Variants in NTRK2 observed in about 807,000 individuals in gnomAD.
NTRK2 encodes the protein neurotrophic receptor tyrosine kinase 2, also known as BDNF/NT-3 growth factors receptor.
A neutral mutation model predicts 94.5 loss-of-function variants in NTRK2; 13 were observed. The ratio of observed to expected loss-of-function variants is 0.14; its 90% CI spans 0.09 to 0.22. The LOEUF is 0.22. Ranked by LOEUF, NTRK2 falls within the 10% of genes least tolerant of loss-of-function variation. NTRK2 has a pLI of 1.00. For missense variants in NTRK2, 639 were observed against 1,071.2 expected (o/e 0.60, Z 5.63); for synonymous variants, 372 against 407.4 (o/e 0.91, Z 1.05).
chr9:84,734,897 C>T (rs1284605683), intron 9 of NTRK2, among the ~76,000 whole-genome samples: 1 of 152,148 alleles, frequency 6.6e-6, no homozygotes, highest in Non-Finnish European at 1.5e-5. Flanking sequence ...TTTGACCCAC[C>T]TTTCAGAGGG....
chr9:84,972,778 A>G (rs955713154), intron 17 of NTRK2, among the ~76,000 whole-genome samples: 2 of 152,242 alleles, frequency 1.3e-5, no homozygotes, highest in African/African-American at 4.8e-5. Context: ...AAAGATCCTT[A>G]TAACTCAAAG....
intron 17 of NTRK2, among the ~76,000 whole-genome samples, chr9:85,006,536 T>TC (rs1441210671): frequency 6.6e-6 from 1 of 151,944 alleles, no homozygotes; most frequent in African/African-American, 2.4e-5. Context: ...GAGGCTGCTG[T>TC]GGTTGGATGG....
At chr9:84,958,044 A>G (rs756021443) in intron 17 of NTRK2, among the ~76,000 whole-genome samples, 7 of 152,188 alleles carry the variant, frequency 4.6e-5, no homozygotes, top group African/African-American at 9.7e-5. Context: ...GAATAGGCAA[A>G]TCCATAGAGA....
At chr9:84,769,339 T>C (rs1011947013) in intron 12 of NTRK2, among the ~76,000 whole-genome samples, 1 of 152,228 alleles carries the variant, frequency 6.6e-6, no homozygotes, top group African/African-American at 2.4e-5. Flanking sequence ...TAAAATCTTA[T>C]GACCCAATCT....
Position 84,867,268 on chromosome 9 carries a change from T to G in NTRK2, c.1470T>G (p.Asp490Glu). 6.2e-7 allele frequency: 1 copy of G among 1,614,098 alleles called. No homozygotes were observed. Among genetic ancestry groups the G allele is most frequent in the Non-Finnish European group, 8.5e-7 (1 of 1,179,940 alleles). Residue 490 changes from aspartate (D) to glutamate (E), a missense_variant, in exon 14 of 19, where the codon GAT becomes GAG. Coordinates refer to ENST00000277120, the MANE Select transcript of NTRK2 (RefSeq NM_006180.6). ...GCCCAGCCTCCGTTATCAGCAATGA[T>G]GATGACTCTGCCAGCCCACTCCATC... is the stretch of plus-strand genomic sequence containing the variant. Reference protein sequence around the residue: ...GVGPASVISNDDDSASPLHHI... With the variant: ...GVGPASVISNEDDSASPLHHI...
chr9:84,769,952 G>A (rs996599827), intron 12 of NTRK2, among the ~76,000 whole-genome samples: 3 of 152,146 alleles, frequency 2.0e-5, no homozygotes, highest in African/African-American at 7.2e-5. Flanking sequence ...ACACAGACAC[G>A]TTTCCACAGC....
At chr9:84,697,090 G>T (rs1290920550) in intron 2 of NTRK2, among the ~76,000 whole-genome samples, 2 of 152,270 alleles carry the variant, frequency 1.3e-5, no homozygotes, top group East Asian at 1.9e-4. Context: ...CGAGGTGAGA[G>T]AAATTCCTAA....
intron 4 of NTRK2, among the ~76,000 whole-genome samples, chr9:84,707,553 A>G (rs535227111): frequency 3.9e-5 from 6 of 152,210 alleles, no homozygotes; most frequent in Non-Finnish European, 8.8e-5. Context: ...TCTATAAGAT[A>G]TATAACTTGG....
At chr9:85,008,768 C>T (rs551946612) in intron 17 of NTRK2, among the ~76,000 whole-genome samples, 2 of 152,270 alleles carry the variant, frequency 1.3e-5, no homozygotes, top group African/African-American at 2.4e-5. Context: ...TGGACCACAG[C>T]GTGAATGGTG....
rs116826582 is a variant in NTRK2 at position 84,977,001 on chromosome 9, A to G, written c.2172+21484A>G. ...CATACACTTGATTCTTATTATTCAC[A>G]GTGGTTATTTTCTATAAAGTCACTA... On this transcript the variant is annotated intron_variant, in intron 17 of 18. Coordinates refer to ENST00000277120, the MANE Select transcript of NTRK2 (RefSeq NM_006180.6). Among the ~76,000 whole-genome samples the G allele has an allele frequency of 5.1e-3, 776 of 152,330 alleles. 10 individuals are homozygous for G. The highest frequency in any genetic ancestry group is 0.018 in the African/African-American group (754 of 41,574).
At chr9:85,004,053 G>GAAAGAAAAGAAAAGAAAGAAAA (rs1316613240) in intron 17 of NTRK2, among the ~76,000 whole-genome samples, 1 of 64,900 alleles carries the variant, frequency 1.5e-5, no homozygotes, top group Non-Finnish European at 3.4e-5. Context: ...AAGGGAGAAA[G>GAAAGAAAAGAAAAGAAAGAAAA]AGAAAGAAAG....
At chr9:84,949,836 G>A (rs1034166020) in intron 16 of NTRK2, among the ~76,000 whole-genome samples, 1 of 152,222 alleles carries the variant, frequency 6.6e-6, no homozygotes, top group Non-Finnish European at 1.5e-5. Flanking sequence ...ACAGGGAACT[G>A]GGAGGAACCA....
chr9:84,707,625 T>C lies in NTRK2; in HGVS notation c.360-219T>C, dbSNP rs1778929. Among the ~76,000 whole-genome samples, 76,776 of 151,870 alleles carry C rather than the reference T, an allele frequency of 0.51. 19,687 individuals are homozygous for C. Among genetic ancestry groups the C allele is most frequent in the East Asian group, 0.59 (3,066 of 5,164 alleles). On this transcript the variant is annotated intron_variant, in intron 4 of 18. Transcript: ENST00000277120. ...AAAAAGACATTAAAAATACACAATA[T>C]ATTTATGCTACCCCTCCCAGCAAAG...
At chr9:84,823,718 T>G (rs1290213511) in intron 12 of NTRK2, among the ~76,000 whole-genome samples, 1 of 151,900 alleles carries the variant, frequency 6.6e-6, no homozygotes, top group Admixed American at 6.6e-5. Context: ...GAGATCCGGG[T>G]TTTTATGTGA....
chr9:84,740,577 G>A (rs2063571815), intron 9 of NTRK2, among the ~76,000 whole-genome samples: 1 of 152,222 alleles, frequency 6.6e-6, no homozygotes, highest in South Asian at 2.1e-4. Context: ...ACATGTGACT[G>A]CAGAGGTGCG....
intron 17 of NTRK2, among the ~76,000 whole-genome samples, chr9:85,006,026 C>G (rs1830921817): frequency 6.6e-6 from 1 of 152,132 alleles, no homozygotes; most frequent in African/African-American, 2.4e-5. Flanking sequence ...ACGACAATGC[C>G]TCACACCCAG....
chr9:84,731,825 G>T (rs1277984802), intron 9 of NTRK2, among the ~76,000 whole-genome samples: 1 of 152,120 alleles, frequency 6.6e-6, no homozygotes, highest in African/African-American at 2.4e-5. Flanking sequence ...CCCGTGTAAT[G>T]TATCTTGAGA....
chr9:84,970,327 A>T (rs1334661724), intron 17 of NTRK2, among the ~76,000 whole-genome samples: 1 of 152,106 alleles, frequency 6.6e-6, no homozygotes, highest in Non-Finnish European at 1.5e-5. Context: ...GTGAACTGAG[A>T]TCACACCACT....
At chr9:84,802,883 C>T (rs144432812) in intron 12 of NTRK2, among the ~76,000 whole-genome samples, 18 of 152,222 alleles carry the variant, frequency 1.2e-4, no homozygotes, top group African/African-American at 3.6e-4. Context: ...GTGCTCGTGA[C>T]GTGAATGAGT....
Sources: gnomAD v4.1 joint callset for allele counts (sites outside exome capture counted in the v4.1 genomes callset) on GRCh38, gnomAD v4.1.1 for gene constraint, MANE v1.5 for transcripts, NCBI Gene and HGNC (gene_info 2026-07-23, HGNC 2026-07-21) for gene names.